The following GALNT17 variants were observed in gnomAD, a reference collection of about 807,000 sequenced individuals.
GALNT17 encodes the protein UDP-GalNAc:polypeptide N-acetylgalactosaminyltransferase-like 3.
Under a neutral mutation model 63.7 loss-of-function variants are expected in GALNT17, and 29 were observed. The ratio of observed to expected loss-of-function variants is 0.46; its 90% CI spans 0.34 to 0.62. The LOEUF (loss-of-function observed/expected upper bound fraction) is 0.62, where lower values mean the gene tolerates loss of function less well. GALNT17 is among the 20% of genes least tolerant of loss of function. The pLI is 0.01. For missense variants in GALNT17, 603 were observed against 799.6 expected (o/e 0.75, Z 2.97); for synonymous variants, 305 against 318.3 (o/e 0.96, Z 0.45).
chr7:71,702,737 G>A (rs1196582630), intron 9 of GALNT17, among the ~76,000 whole-genome samples: 1 of 152,192 alleles, frequency 6.6e-6, no homozygotes, highest in Non-Finnish European at 1.5e-5. Flanking sequence ...TATCAAGAAA[G>A]GAAGTTGGCT....
At chr7:71,462,509 C>T (rs151266830) in intron 5 of GALNT17, among the ~76,000 whole-genome samples, 3 of 152,262 alleles carry the variant, frequency 2.0e-5, no homozygotes, top group African/African-American at 7.2e-5. Context: ...GGACTCACAC[C>T]CCTAACACAG....
chr7:71,586,494 T>C (rs1375409946), intron 6 of GALNT17, among the ~76,000 whole-genome samples: 4 of 152,224 alleles, frequency 2.6e-5, no homozygotes, highest in African/African-American at 9.6e-5. Flanking sequence ...AAGTCTTTTA[T>C]GAACATTTGT....
chr7:71,608,746 G>A (rs1370485430), intron 6 of GALNT17, among the ~76,000 whole-genome samples: 3 of 151,968 alleles, frequency 2.0e-5, no homozygotes, highest in African/African-American at 7.3e-5. Context: ...CGAAAAACCA[G>A]CAACTGGAGA....
chr7:71,234,767 G>C (rs1413624595), intron 1 of GALNT17, among the ~76,000 whole-genome samples: 2 of 152,116 alleles, frequency 1.3e-5, no homozygotes, highest in Non-Finnish European at 2.9e-5. Context: ...TATTTCCACT[G>C]TTCAAGCAGG....
intron 2 of GALNT17, among the ~76,000 whole-genome samples, chr7:71,373,183 C>G (rs976988552): frequency 3.3e-5 from 5 of 152,168 alleles, no homozygotes; most frequent in African/African-American, 1.2e-4. Context: ...GGAATGCCAG[C>G]GTCTCACTTC....
chr7:71,449,108 C>CTTTTTTTTTTTTT (rs59368494), intron 5 of GALNT17, among the ~76,000 whole-genome samples: 3,598 of 72,380 alleles, frequency 0.05, 489 homozygotes, highest in Non-Finnish European at 0.057. Flanking sequence ...TGCCTATTTT[C>CTTTTTTTTTTTTT]TTTTTTTTTT....
intron 2 of GALNT17, among the ~76,000 whole-genome samples, chr7:71,341,551 A>G (rs967559078): frequency 1.3e-5 from 2 of 152,236 alleles, no homozygotes; most frequent in Non-Finnish European, 2.9e-5. Context: ...GAAAGCTTTC[A>G]GAGAATAAAT....
At chr7:71,447,804 T>A (rs1334702562) in intron 5 of GALNT17, among the ~76,000 whole-genome samples, 1 of 152,202 alleles carries the variant, frequency 6.6e-6, no homozygotes, top group African/African-American at 2.4e-5. Flanking sequence ...TTCAGCTACA[T>A]GCTTTCTACC....
chr7:71,152,922 G>T (rs1020925042), intron 1 of GALNT17, among the ~76,000 whole-genome samples: 3 of 151,958 alleles, frequency 2.0e-5, no homozygotes, highest in African/African-American at 7.2e-5. Context: ...TGTGAGCCAC[G>T]CCCCAGTTCA....
chr7:71,480,228 C>G (rs1035793275), intron 5 of GALNT17, among the ~76,000 whole-genome samples: 6 of 123,160 alleles, frequency 4.9e-5, no homozygotes, highest in Non-Finnish European at 9.5e-5. Flanking sequence ...TGCAATGGTG[C>G]AATCTCAGCT....
intron 1 of GALNT17, among the ~76,000 whole-genome samples, chr7:71,206,848 G>A (rs746065322): frequency 2.0e-5 from 3 of 152,140 alleles, no homozygotes; most frequent in Non-Finnish European, 4.4e-5. Context: ...GCTCAAGCCT[G>A]TAATCCCAGC....
chr7:71,157,516 G>A (rs1255949206), intron 1 of GALNT17, among the ~76,000 whole-genome samples: 1 of 151,640 alleles, frequency 6.6e-6, no homozygotes, highest in Non-Finnish European at 1.5e-5. Flanking sequence ...AAATTAGCAG[G>A]GCATGGTGGC....
At chr7:71,494,143 G>A (rs1788055891) in intron 5 of GALNT17, among the ~76,000 whole-genome samples, 1 of 152,092 alleles carries the variant, frequency 6.6e-6, no homozygotes, top group Admixed American at 6.6e-5. Context: ...AAGCAAACTT[G>A]GGACTTCTCA....
At chr7:71,400,437 T>C (rs1793220146) in intron 3 of GALNT17, among the ~76,000 whole-genome samples, 1 of 152,214 alleles carries the variant, frequency 6.6e-6, no homozygotes. Context: ...AACTTTTGCT[T>C]CTCACTTTAA....
intron 9 of GALNT17, among the ~76,000 whole-genome samples, chr7:71,682,743 G>A (rs774787783): frequency 6.6e-6 from 1 of 151,878 alleles, no homozygotes; most frequent in Non-Finnish European, 1.5e-5. Context: ...TAGAAATAGG[G>A]GTCTCCCTAT....
intron 1 of GALNT17, among the ~76,000 whole-genome samples, chr7:71,177,984 C>G (rs930257333): frequency 9.2e-5 from 14 of 152,122 alleles, no homozygotes; most frequent in African/African-American, 3.4e-4. Context: ...TCAGAGACCA[C>G]TGTATACATT....
chr7:71,710,655 A>C, intron 9 of GALNT17, 106 bp from the exon 10 acceptor site: 1 of 1,307,430 alleles, frequency 7.6e-7, no homozygotes, highest in Non-Finnish European at 1.1e-6. Flanking sequence ...GGACTGCAGT[A>C]TTGACAAACA....
chr7:71,227,560 T>G (rs1293997350), intron 1 of GALNT17, among the ~76,000 whole-genome samples: 1 of 152,086 alleles, frequency 6.6e-6, no homozygotes, highest in Non-Finnish European at 1.5e-5. Context: ...GATTATGTTT[T>G]TTTGGCGAGA....
chr7:71,268,289 T>G (rs1207953516), intron 1 of GALNT17, among the ~76,000 whole-genome samples: 1 of 151,530 alleles, frequency 6.6e-6, no homozygotes, highest in African/African-American at 2.4e-5. Context: ...TGCCTGTAAT[T>G]CCAACACACT....
Sources: allele counts gnomAD v4.1 joint callset (sites outside exome capture counted in the v4.1 genomes callset), GRCh38; gene constraint gnomAD v4.1.1; transcripts MANE v1.5; gene names NCBI Gene and HGNC (gene_info 2026-07-23, HGNC 2026-07-21).